Variants in RGS7 observed in about 807,000 individuals in gnomAD.
The protein encoded by RGS7 is regulator of G-protein signaling 7.
A neutral mutation model predicts 81.1 loss-of-function variants in RGS7; 27 were observed. That is an observed-to-expected ratio of 0.33 (90% CI 0.25 to 0.46). The LOEUF (loss-of-function observed/expected upper bound fraction) is 0.46. Among genes scored for constraint, RGS7 ranks in the 20% least tolerant of loss-of-function variants. The pLI, the probability that RGS7 is intolerant of heterozygous loss-of-function variation, is 1.00. For missense variants in RGS7, 396 were observed against 607.4 expected (o/e 0.65, Z 3.66); for synonymous variants, 208 against 207.7 (o/e 1.00, Z -0.01).
chr1:240,881,714 T>C (rs372034910), intron 6 of RGS7, among the ~76,000 whole-genome samples: 39 of 152,226 alleles, frequency 2.6e-4, no homozygotes, highest in African/African-American at 8.9e-4. Flanking sequence ...GCAAGGGAAA[T>C]TGAATCTTAA....
chr1:241,048,640 A>C (rs2148796948), intron 3 of RGS7, among the ~76,000 whole-genome samples: 1 of 152,336 alleles, frequency 6.6e-6, no homozygotes, highest in South Asian at 2.1e-4. Context: ...CCAATTAAGA[A>C]GCCCAGGGAA....
intron 9 of RGS7, among the ~76,000 whole-genome samples, chr1:240,833,728 TTA>T (rs1411275814): frequency 3.0e-4 from 46 of 152,142 alleles, no homozygotes; most frequent in African/African-American, 1.0e-3. Flanking sequence ...TCCCTTATTC[TTA>T]CATGAAGTAA....
intron 2 of RGS7, among the ~76,000 whole-genome samples, chr1:241,345,674 G>A (rs1196836777): frequency 2.0e-5 from 3 of 152,124 alleles, no homozygotes; most frequent in Non-Finnish European, 4.4e-5. Flanking sequence ...GCATCTTGGA[G>A]AAGAAAAAAT....
intron 2 of RGS7, among the ~76,000 whole-genome samples, chr1:241,316,820 G>C (rs897311290): frequency 1.3e-5 from 2 of 152,102 alleles, no homozygotes; most frequent in Non-Finnish European, 2.9e-5. Context: ...TTCAGAAGAT[G>C]AATGTCAAAA....
intron 6 of RGS7, among the ~76,000 whole-genome samples, chr1:240,877,459 A>G (rs1665631369): frequency 6.6e-6 from 1 of 151,914 alleles, no homozygotes; most frequent in African/African-American, 2.4e-5. Context: ...TATATACAAA[A>G]TCTATATGCA....
At chr1:241,293,282 C>T (rs2079191124) in intron 2 of RGS7, among the ~76,000 whole-genome samples, 2 of 152,168 alleles carry the variant, frequency 1.3e-5, no homozygotes, top group Non-Finnish European at 2.9e-5. Context: ...GTACATAATA[C>T]TTACTAATGA....
chr1:240,952,783 T>C (rs752406236), intron 4 of RGS7, among the ~76,000 whole-genome samples: 16 of 151,690 alleles, frequency 1.1e-4, no homozygotes, highest in Admixed American at 3.9e-4. Flanking sequence ...GACCTGACTA[T>C]ACATGTATAT....
chr1:241,205,523 C>T (rs543600760), intron 2 of RGS7, among the ~76,000 whole-genome samples: 26 of 151,384 alleles, frequency 1.7e-4, no homozygotes, highest in Non-Finnish European at 3.2e-4. Flanking sequence ...TGCACTGACA[C>T]GACCTTGGCT....
At position 241,033,349 on chromosome 1, in the gene RGS7, T is replaced by TA. The variant is rs1463848727; in HGVS notation, c.176-50221dup. 4.0e-5 allele frequency among the ~76,000 whole-genome samples: 6 copies of TA among 151,660 alleles called. No homozygotes were observed. The South Asian group carries it at 6.3e-4, about 16-fold the overall frequency. ...CTGGGTGACAGAGCGAGAGTCCATC[T>TA]AAAAAAAAGCTGGCTGGGGGAGCGG... is the stretch of plus-strand genomic sequence containing the variant. On this transcript the variant is annotated intron_variant, in intron 3 of 18. Coordinates refer to ENST00000440928, the MANE Select transcript of RGS7 (RefSeq NM_001364886.1).
chr1:241,156,183 G>GAT (rs2069135241), intron 2 of RGS7, among the ~76,000 whole-genome samples: 1 of 146,882 alleles, frequency 6.8e-6, no homozygotes, highest in African/African-American at 2.7e-5. Context: ...CATATACATA[G>GAT]ACAGACAGAC....
intron 3 of RGS7, among the ~76,000 whole-genome samples, chr1:241,080,372 T>C (rs1468095217): frequency 6.6e-6 from 1 of 151,974 alleles, no homozygotes; most frequent in Admixed American, 6.6e-5. Flanking sequence ...ATGAAAGTGA[T>C]AGCTAAGAAT....
intron 6 of RGS7, among the ~76,000 whole-genome samples, chr1:240,888,448 T>G (rs1340406074): frequency 6.6e-6 from 1 of 152,150 alleles, no homozygotes; most frequent in Non-Finnish European, 1.5e-5. Flanking sequence ...GGATACTGGA[T>G]GTATTCATTT....
chr1:240,795,338 C>A (rs1473103202), intron 18 of RGS7, among the ~76,000 whole-genome samples: 1 of 152,204 alleles, frequency 6.6e-6, no homozygotes, highest in Non-Finnish European at 1.5e-5. Context: ...CAGTTCTTCA[C>A]TGACTGAAGA....
intron 6 of RGS7, among the ~76,000 whole-genome samples, chr1:240,905,288 C>A (rs772312708): frequency 2.6e-4 from 39 of 152,290 alleles, no homozygotes; most frequent in Non-Finnish European, 4.7e-4. Flanking sequence ...GCCTTGTTAA[C>A]ATGATATATG....
chr1:241,286,491 T>TG (rs1350256930), intron 2 of RGS7, among the ~76,000 whole-genome samples: 2 of 152,132 alleles, frequency 1.3e-5, no homozygotes, highest in African/African-American at 4.8e-5. Context: ...AAAATGGGGA[T>TG]GGGGGAAGAG....
At chr1:240,985,240 C>T (rs575320580) in intron 3 of RGS7, among the ~76,000 whole-genome samples, 3 of 152,360 alleles carry the variant, frequency 2.0e-5, no homozygotes, top group Admixed American at 2.0e-4. Flanking sequence ...AAGCCCCAAG[C>T]ACCCTGCTCA....
intron 2 of RGS7, among the ~76,000 whole-genome samples, chr1:241,216,696 G>A (rs1388127578): frequency 1.3e-5 from 2 of 152,174 alleles, no homozygotes; most frequent in Admixed American, 6.5e-5. Flanking sequence ...ATTTAGGAAT[G>A]AGTTTGTGGC....
chr1:240,796,668 A>G (rs1207724169), intron 18 of RGS7, among the ~76,000 whole-genome samples: 1 of 152,204 alleles, frequency 6.6e-6, no homozygotes, highest in African/African-American at 2.4e-5. Flanking sequence ...CTTGGGTGAC[A>G]GAGTGAAATT....
At chr1:240,801,903 T>C (rs549205622) in intron 16 of RGS7, among the ~76,000 whole-genome samples, 1 of 152,196 alleles carries the variant, frequency 6.6e-6, no homozygotes, top group Non-Finnish European at 1.5e-5. Context: ...ATTAATTCCA[T>C]AGAGCATTAA....
Sources: gnomAD v4.1 joint callset for allele counts (sites outside exome capture counted in the v4.1 genomes callset) on GRCh38, gnomAD v4.1.1 for gene constraint, MANE v1.5 for transcripts, NCBI Gene and HGNC (gene_info 2026-07-23, HGNC 2026-07-21) for gene names.